Variants in LRP5 observed in about 807,000 individuals in gnomAD.
LRP5 encodes LDL receptor related protein 5, also known as low-density lipoprotein receptor-related protein 5.
In LRP5, 62 loss-of-function variants were observed where a neutral mutation model predicts 154.1. That is an observed-to-expected ratio of 0.40 (90% CI 0.33 to 0.50). The LOEUF (loss-of-function observed/expected upper bound fraction) is 0.50. Ranked by LOEUF, LRP5 falls within the 20% of genes least tolerant of loss-of-function variation. The pLI, the probability that LRP5 is intolerant of heterozygous loss-of-function variation, is 0.55. For missense variants in LRP5, 1,915 were observed against 2,336.7 expected (o/e 0.82, Z 3.72); for synonymous variants, 966 against 1,011.5 (o/e 0.96, Z 0.85).
chr11:68,387,314 C>T (rs1227088085), intron 6 of LRP5, among the ~76,000 whole-genome samples: 2 of 152,106 alleles, frequency 1.3e-5, no homozygotes, highest in African/African-American at 2.4e-5. Flanking sequence ...GGGGTTTCAC[C>T]GTCTTGGCCA....
intron 6 of LRP5, among the ~76,000 whole-genome samples, chr11:68,388,621 T>C (rs1190704206): frequency 2.0e-5 from 3 of 152,140 alleles, no homozygotes; most frequent in African/African-American, 7.2e-5. Context: ...GTCCTTTGCA[T>C]AGGGGAGCCC....
At chr11:68,390,085 G>T in intron 7 of LRP5, 33 bp downstream of exon 7, 1 of 1,611,684 alleles carries the variant, frequency 6.2e-7, no homozygotes, top group Non-Finnish European at 8.5e-7. Context: ...TGATCCAGGA[G>T]GCCAGGCCCA....
chr11:68,446,912 G>T, intron 22 of LRP5: 1 of 355,848 alleles, frequency 2.8e-6, no homozygotes, highest in South Asian at 2.2e-5. Context: ...CCTCTTGGTG[G>T]CTCTGTCCTC....
intron 8 of LRP5, among the ~76,000 whole-genome samples, chr11:68,405,768 C>T (rs1325848702): frequency 4.6e-5 from 7 of 152,222 alleles, no homozygotes; most frequent in East Asian, 3.8e-4. Context: ...CAAAAATAAA[C>T]GAACGGTCTG....
Position 68,423,006 on chromosome 11 carries a change from G to A in LRP5, c.3028-483G>A, listed in dbSNP as rs956429943. Reference sequence around the variant, plus strand: ...TGGTGCCCTGCAGAGAAAACAGTACGTGAGGGCCGCAGTCCAAAAGCTTGA... The same window carrying A: ...TGGTGCCCTGCAGAGAAAACAGTACATGAGGGCCGCAGTCCAAAAGCTTGA... On this transcript the variant is annotated intron_variant, in intron 13 of 22. Transcript: ENST00000294304. The surrounding 1 kb of genome is among the most constrained non-coding windows in gnomAD (Gnocchi z 4.7). Among the ~76,000 whole-genome samples the A allele has an allele frequency of 2.6e-5, 4 of 152,158 alleles. No homozygotes were observed. The highest frequency in any genetic ancestry group is 4.4e-5 in the Non-Finnish European group (3 of 68,032).
chr11:68,448,661 G>A (rs1172358307), intron 22 of LRP5, 148 bp from the exon 23 acceptor site: 13 of 961,782 alleles, frequency 1.4e-5, no homozygotes, highest in East Asian at 2.6e-5. Context: ...GAGCCCTGGC[G>A]ACACAGCGGG....
intron 21 of LRP5, among the ~76,000 whole-genome samples, chr11:68,444,050 G>A (rs940681901): frequency 6.6e-6 from 1 of 152,106 alleles, no homozygotes; most frequent in Non-Finnish European, 1.5e-5. Flanking sequence ...AGCAAGGTGG[G>A]CATCCAGCTT....
chr11:68,379,555 C>CT (rs1748539432), intron 5 of LRP5, among the ~76,000 whole-genome samples: 1 of 152,228 alleles, frequency 6.6e-6, no homozygotes, highest in South Asian at 2.1e-4. Context: ...TTGCAGATGA[C>CT]TGAGAAGTTA....
intron 3 of LRP5, among the ~76,000 whole-genome samples, chr11:68,362,208 G>A (rs188886390): frequency 6.6e-6 from 1 of 152,184 alleles, no homozygotes; most frequent in Non-Finnish European, 1.5e-5. Context: ...TATATGAGAT[G>A]TTGAGAATGT....
intron 7 of LRP5, among the ~76,000 whole-genome samples, chr11:68,398,173 C>G (rs902925996): frequency 1.3e-5 from 2 of 152,142 alleles, no homozygotes; most frequent in Non-Finnish European, 2.9e-5. Flanking sequence ...GGGTCTTGGG[C>G]TCATGTCTGT....
At chr11:68,405,726 C>T (rs188660549) in intron 8 of LRP5, among the ~76,000 whole-genome samples, 15 of 152,294 alleles carry the variant, frequency 9.8e-5, no homozygotes, top group Admixed American at 7.2e-4. Context: ...TTTAACAGCA[C>T]TTTGGTTGAT....
At chr11:68,358,898 G>A (rs2098625419) in intron 3 of LRP5, among the ~76,000 whole-genome samples, 1 of 152,182 alleles carries the variant, frequency 6.6e-6, no homozygotes, top group Non-Finnish European at 1.5e-5. Flanking sequence ...TGCACTAGTG[G>A]AGCTCCTGGC....
At chr11:68,417,449 C>CCTTTTTTTT (rs2098663193) in intron 13 of LRP5, among the ~76,000 whole-genome samples, 1 of 41,598 alleles carries the variant, frequency 2.4e-5, no homozygotes, top group African/African-American at 1.1e-4. Context: ...AACAGATTGG[C>CCTTTTTTTT]TTTTTTTTTT....
intron 17 of LRP5, among the ~76,000 whole-genome samples, chr11:68,432,966 C>G (rs543270171): frequency 6.6e-6 from 1 of 152,236 alleles, no homozygotes; most frequent in Non-Finnish European, 1.5e-5. Context: ...TCCCTTTCAG[C>G]GCCCTCCCCG....
At position 68,386,261 on chromosome 11, in the gene LRP5, A is replaced by G; in HGVS notation, c.1016-55A>G. The G allele has an allele frequency of 6.2e-7, 1 of 1,602,072 alleles. No individual in the cohort carries two copies. Among genetic ancestry groups the G allele is most frequent in the East Asian group, 2.2e-5 (1 of 44,842 alleles). ...CTTGCCCGGCCCACCCCAGGCCTAG[A>G]CTTGTGCCTGCTGCAGGCCCTTGAC... On this transcript the variant is annotated intron_variant, in intron 5 of 22. Transcript: ENST00000294304. The surrounding 1 kb of genome is among the most constrained non-coding windows in gnomAD (Gnocchi z 7.9).
chr11:68,415,296 G>A (rs1383592517), intron 12 of LRP5, among the ~76,000 whole-genome samples: 2 of 152,208 alleles, frequency 1.3e-5, no homozygotes, highest in Non-Finnish European at 2.9e-5. Context: ...CTTCTCTCGG[G>A]CTTGTTGACT....
rs768364811 is a variant in LRP5, at chr11:68,413,824, C to A, written c.2639C>A (p.Thr880Asn). ...GACAAGACTAGCGGCCGGAACCGCA[C>A]CCTCATCCAGGGCCACCTGGACTTC... ...RADKTSGRNR[T>N]LIQGHLDFVM... Residue 880 changes from threonine to asparagine, a missense_variant, in exon 12 of 23, where the codon ACC becomes AAC. Around this residue, in one of 3 missense-constraint regions of LRP5, gnomAD observed 1,094 missense variants for 1,210.1 expected, o/e 0.90. Transcript: ENST00000294304. The surrounding 1 kb of genome is among the most constrained non-coding windows in gnomAD (Gnocchi z 5.1). 8.1e-6 allele frequency: 13 copies of A among 1,613,696 alleles called. No homozygotes were observed. Among genetic ancestry groups the A allele is most frequent in the Non-Finnish European group, 1.1e-5 (13 of 1,180,028 alleles).
At chr11:68,436,853 C>T (rs1298222684) in intron 18 of LRP5, 36 bp from the exon 19 acceptor site, 1 of 1,537,596 alleles carries the variant, frequency 6.5e-7, no homozygotes. Flanking sequence ...GGGGGGCACC[C>T]TCCAGCCTCT....
chr11:68,379,063 T>A (rs2098638956), intron 5 of LRP5, among the ~76,000 whole-genome samples: 1 of 151,734 alleles, frequency 6.6e-6, no homozygotes, highest in Admixed American at 6.6e-5. Flanking sequence ...AAAATAAAAA[T>A]AAAATAAATA....
Sources: gnomAD v4.1 joint callset for allele counts (sites outside exome capture counted in the v4.1 genomes callset) on GRCh38, gnomAD v4.1.1 for gene constraint, gnomAD v4.1.1 regional missense constraint, Gnocchi (gnomAD v3.1) non-coding constraint, MANE v1.5 for transcripts, NCBI Gene and HGNC (gene_info 2026-07-23, HGNC 2026-07-21) for gene names.